Variants in SLC24A2 observed in about 807,000 individuals in gnomAD.
The protein encoded by SLC24A2 is sodium/potassium/calcium exchanger 2.
Under a neutral mutation model 62.0 loss-of-function variants are expected in SLC24A2, and 36 were observed. That is an observed-to-expected ratio of 0.58 (90% CI 0.44 to 0.77). The LOEUF (loss-of-function observed/expected upper bound fraction) is 0.77. SLC24A2 is among the 30% of genes least tolerant of loss of function. The pLI is 0.00. For missense variants in SLC24A2, 846 were observed against 817.9 expected (o/e 1.03, Z -0.42); for synonymous variants, 358 against 294.0 (o/e 1.22, Z -2.23).
chr9:19,985,651 G>A, the SLC24A2 span, among the ~76,000 whole-genome samples: 1 of 152,068 alleles, frequency 6.6e-6, no homozygotes, highest in East Asian at 1.9e-4. Context: ...TTATGGTTGT[G>A]GTGGTGGCTA....
the SLC24A2 span, among the ~76,000 whole-genome samples, chr9:19,891,525 A>T: frequency 6.6e-6 from 1 of 152,120 alleles, no homozygotes; most frequent in Non-Finnish European, 1.5e-5. Context: ...AAGGGGGAGA[A>T]AGCATGTCAC....
chr9:19,876,635 G>T, the SLC24A2 span, among the ~76,000 whole-genome samples: 1 of 152,078 alleles, frequency 6.6e-6, no homozygotes, highest in Non-Finnish European at 1.5e-5. Context: ...TATAAAGCTT[G>T]TTGCTATGTT....
chr9:20,127,118 G>T, the SLC24A2 span, among the ~76,000 whole-genome samples: 1 of 148,726 alleles, frequency 6.7e-6, no homozygotes, highest in Non-Finnish European at 1.5e-5. Flanking sequence ...AAATATTTTT[G>T]CTTTGTCCAC....
At chr9:19,798,598 C>CCA in the SLC24A2 span, among the ~76,000 whole-genome samples, 106,818 of 146,466 alleles carry the variant, frequency 0.73, 41,072 homozygotes, top group Non-Finnish European at 0.88. Context: ...ATCCTTTATA[C>CCA]CACACACACA....
intron 2 of SLC24A2, among the ~76,000 whole-genome samples, chr9:19,766,620 C>T (rs145423914): frequency 2.6e-5 from 4 of 152,348 alleles, no homozygotes; most frequent in Non-Finnish European, 5.9e-5. Flanking sequence ...CCTGCACCAG[C>T]AGAGGCTGCA....
chr9:20,084,054 A>G, the SLC24A2 span, among the ~76,000 whole-genome samples: 1,690 of 152,312 alleles, frequency 0.011, 30 homozygotes, highest in African/African-American at 0.038. Context: ...TCCAAAAATA[A>G]TACCTCATTA....
chr9:19,662,966 G>A (rs1275005258), intron 2 of SLC24A2, among the ~76,000 whole-genome samples: 1 of 152,114 alleles, frequency 6.6e-6, no homozygotes, highest in African/African-American at 2.4e-5. Flanking sequence ...ATGAATGCAG[G>A]AATGCTACAT....
chr9:20,217,629 G>A, the SLC24A2 span, among the ~76,000 whole-genome samples: 1 of 152,230 alleles, frequency 6.6e-6, no homozygotes, highest in African/African-American at 2.4e-5. Context: ...GAACACATCG[G>A]GGGGTAAACA....
At chr9:19,900,191 A>G in the SLC24A2 span, among the ~76,000 whole-genome samples, 2 of 152,168 alleles carry the variant, frequency 1.3e-5, no homozygotes, top group African/African-American at 4.8e-5. Flanking sequence ...TACTGCTTCT[A>G]TCTTTATGAG....
chr9:20,146,544 T>C, the SLC24A2 span, among the ~76,000 whole-genome samples: 5 of 152,092 alleles, frequency 3.3e-5, no homozygotes, highest in African/African-American at 1.2e-4. Context: ...AAGCTGAGTA[T>C]AGGGGAACAT....
chr9:19,904,443 C>A, the SLC24A2 span, among the ~76,000 whole-genome samples: 2 of 152,112 alleles, frequency 1.3e-5, no homozygotes, highest in African/African-American at 2.4e-5. Context: ...CTAAAGACAT[C>A]TGAATTTTTG....
chr9:19,884,271 C>A, the SLC24A2 span, among the ~76,000 whole-genome samples: 2 of 53,510 alleles, frequency 3.7e-5, no homozygotes, highest in African/African-American at 1.4e-4. Flanking sequence ...GTTTATGAGC[C>A]CTATTCCTAA....
chr9:19,597,699 T>C (rs1182047674), intron 4 of SLC24A2, among the ~76,000 whole-genome samples: 2 of 152,152 alleles, frequency 1.3e-5, no homozygotes, highest in Non-Finnish European at 2.9e-5. Context: ...AGAACAGCAG[T>C]TCAAGAAGTT....
the SLC24A2 span, among the ~76,000 whole-genome samples, chr9:20,141,882 A>T: frequency 6.6e-6 from 1 of 152,190 alleles, no homozygotes; most frequent in Non-Finnish European, 1.5e-5. Context: ...CAGGAGTTCA[A>T]GACCAGCCTC....
At chr9:19,659,545 G>T (rs998470460) in intron 2 of SLC24A2, among the ~76,000 whole-genome samples, 2 of 152,070 alleles carry the variant, frequency 1.3e-5, no homozygotes, top group Non-Finnish European at 2.9e-5. Flanking sequence ...TGAATTCAGG[G>T]CTGTGAAGGT....
At chr9:19,598,937 G>A (rs943971980) in intron 4 of SLC24A2, among the ~76,000 whole-genome samples, 2 of 152,170 alleles carry the variant, frequency 1.3e-5, no homozygotes, top group Non-Finnish European at 2.9e-5. Context: ...AGTGGAATAA[G>A]CAGCTGGCAT....
At chr9:19,807,995 A>G in the SLC24A2 span, among the ~76,000 whole-genome samples, 1 of 152,246 alleles carries the variant, frequency 6.6e-6, no homozygotes. Context: ...AGACTTATAG[A>G]GCAAATTCTA....
the SLC24A2 span, among the ~76,000 whole-genome samples, chr9:20,017,769 G>T: frequency 1.3e-5 from 2 of 152,140 alleles, no homozygotes. Context: ...GGAGAAAGAT[G>T]GAGGCCAGAA....
intron 7 of SLC24A2, among the ~76,000 whole-genome samples, chr9:19,559,089 C>T (rs1835264347): frequency 6.6e-6 from 1 of 152,130 alleles, no homozygotes; most frequent in Admixed American, 6.5e-5. Flanking sequence ...CAGGAAGGCA[C>T]TTACAAGAGT....
Sources: gnomAD v4.1 joint callset for allele counts (sites outside exome capture counted in the v4.1 genomes callset) on GRCh38, gnomAD v4.1.1 for gene constraint, MANE v1.5 for transcripts, NCBI Gene and HGNC (gene_info 2026-07-23, HGNC 2026-07-21) for gene names.